ACMSD: variants seen among roughly 807,000 people sequenced by gnomAD.
ACMSD encodes the protein 2-amino-3-carboxymuconate-6-semialdehyde decarboxylase.
ACMSD carries 37 observed loss-of-function variants against 45.9 expected under a neutral mutation model. The observed-to-expected ratio is 0.81, with a 90% CI of 0.62 to 1.06. ACMSD has a LOEUF of 1.06. Among genes scored for constraint, ACMSD ranks in the 50% least tolerant of loss-of-function variants. ACMSD has a pLI of 0.00. For synonymous variants in ACMSD, 138 were observed against 148.8 expected (o/e 0.93, Z 0.53); for missense variants, 434 against 420.9 (o/e 1.03, Z -0.27).
intron 8 of ACMSD, 25 bp from the exon 9 acceptor site, chr2:134,898,316 G>A (rs1393569412): frequency 6.8e-7 from 1 of 1,474,822 alleles, no homozygotes; most frequent in South Asian, 1.3e-5. Context: ...CAAAACAACA[G>A]AGAAATATAT....
chr2:134,854,347 GT>G (rs778218139), intron 2 of ACMSD, among the ~76,000 whole-genome samples: 29 of 152,300 alleles, frequency 1.9e-4, no homozygotes, highest in Non-Finnish European at 2.4e-4. Flanking sequence ...AGCTCCCAGA[GT>G]TCCTGTGAGG....
chr2:134,843,079 A>G (rs1459155193), intron 1 of ACMSD, among the ~76,000 whole-genome samples: 1 of 152,382 alleles, frequency 6.6e-6, no homozygotes, highest in East Asian at 1.9e-4. Context: ...TTCTAATTTA[A>G]GAGCACATAG....
At chr2:134,848,668 GA>G (rs1284597210) in intron 2 of ACMSD, among the ~76,000 whole-genome samples, 1 of 152,094 alleles carries the variant, frequency 6.6e-6, no homozygotes, top group Non-Finnish European at 1.5e-5. Context: ...ATAGATTCTG[GA>G]TATTAGCCCT....
chr2:134,849,961 G>GGAACAC (rs1687252868), intron 2 of ACMSD, among the ~76,000 whole-genome samples: 1 of 103,280 alleles, frequency 9.7e-6, no homozygotes, highest in Non-Finnish European at 1.8e-5. Flanking sequence ...CAGGGCCTTG[G>GGAACAC]GAACACACAC....
chr2:134,897,234 T>C (rs1054011400), intron 8 of ACMSD, among the ~76,000 whole-genome samples: 1 of 152,138 alleles, frequency 6.6e-6, no homozygotes, highest in African/African-American at 2.4e-5. Context: ...GTTTCTTAGA[T>C]ACCATTCCTG....
intron 8 of ACMSD, among the ~76,000 whole-genome samples, chr2:134,887,583 G>T (rs531556872): frequency 2.1e-4 from 32 of 152,106 alleles, no homozygotes; most frequent in African/African-American, 7.5e-4. Flanking sequence ...TTTGTATTTT[G>T]GGTAGAGATG....
At chr2:134,863,818 G>C (rs1687966527) in intron 5 of ACMSD, among the ~76,000 whole-genome samples, 187 bp downstream of exon 5, 1 of 152,160 alleles carries the variant, frequency 6.6e-6, no homozygotes, top group Admixed American at 6.5e-5. Context: ...TTCCAAAGAG[G>C]AACTGGTGGA....
At chr2:134,840,352 G>A (rs1484107208) in intron 1 of ACMSD, among the ~76,000 whole-genome samples, 1 of 151,740 alleles carries the variant, frequency 6.6e-6, no homozygotes, top group Non-Finnish European at 1.5e-5. Flanking sequence ...TCCAAGCAGG[G>A]CTCCAAGCTC....
chr2:134,871,678 G>GACACACAC (rs368267244), intron 7 of ACMSD, among the ~76,000 whole-genome samples: 16,741 of 137,044 alleles, frequency 0.12, 1,141 homozygotes, highest in East Asian at 0.22. Context: ...CCCTTCAACA[G>GACACACAC]ACAGACACAC....
intron 8 of ACMSD, among the ~76,000 whole-genome samples, chr2:134,875,354 G>A (rs545050129): frequency 6.6e-6 from 1 of 152,184 alleles, no homozygotes; most frequent in African/African-American, 2.4e-5. Flanking sequence ...ATATTTGATT[G>A]TTTATGTATA....
chr2:134,876,034 G>A (rs780602740), intron 8 of ACMSD, among the ~76,000 whole-genome samples: 5 of 152,194 alleles, frequency 3.3e-5, no homozygotes, highest in East Asian at 1.9e-4. Flanking sequence ...TTTGTGTAGC[G>A]AAACATATCT....
intron 1 of ACMSD, chr2:134,844,470 AG>A (rs2104811509): frequency 6.6e-6 from 1 of 152,438 alleles, no homozygotes; most frequent in African/African-American, 2.4e-5. Flanking sequence ...AGCCAGTGAA[AG>A]GTTTGTATTC....
intron 2 of ACMSD, chr2:134,857,720 G>C (rs1687649052): frequency 6.6e-6 from 1 of 151,632 alleles, no homozygotes; most frequent in South Asian, 2.1e-4. Flanking sequence ...ATGATGTTGA[G>C]AAGTGGCAAA....
intron 8 of ACMSD, among the ~76,000 whole-genome samples, chr2:134,893,972 G>C (rs1043442056): frequency 2.6e-5 from 4 of 152,148 alleles, no homozygotes; most frequent in African/African-American, 7.2e-5. Flanking sequence ...GCTAGAAGTA[G>C]TACTTAGTGA....
rs4954190 is a variant in ACMSD at position 134,853,311 on chromosome 2, T to C, written c.103-5950T>C. Among the ~76,000 whole-genome samples, 2,695 of 152,246 alleles carry C rather than the reference T, an allele frequency of 0.018. 222 individuals carry two copies. The East Asian group carries it at 0.29, about 16-fold the overall frequency. ...ACTTAAAAGTCAGAAGTTCACAGGT[T>C]AGGTTCCCTAGGAATCAGACTCCAA... On this transcript the variant is annotated intron_variant, in intron 2 of 9. Coordinates refer to ENST00000356140, the MANE Select transcript of ACMSD (RefSeq NM_138326.3).
chr2:134,888,958 C>T (rs1244948563), intron 8 of ACMSD, among the ~76,000 whole-genome samples: 1 of 152,138 alleles, frequency 6.6e-6, no homozygotes, highest in East Asian at 1.9e-4. Context: ...CAAAAATCAG[C>T]AAATTCATCA....
At chr2:134,847,297 G>A (rs565663313) in intron 2 of ACMSD, among the ~76,000 whole-genome samples, 42 of 152,088 alleles carry the variant, frequency 2.8e-4, no homozygotes, top group Non-Finnish European at 5.0e-4. Context: ...CATCAGACAG[G>A]GCCATGAAGG....
At chr2:134,881,231 C>A (rs1407742234) in intron 8 of ACMSD, among the ~76,000 whole-genome samples, 2 of 152,212 alleles carry the variant, frequency 1.3e-5, no homozygotes, top group African/African-American at 4.8e-5. Flanking sequence ...AAACTCCTGA[C>A]CTCAGGTGAT....
intron 6 of ACMSD, among the ~76,000 whole-genome samples, chr2:134,870,622 G>A (rs561439867): frequency 2.0e-5 from 3 of 152,244 alleles, no homozygotes; most frequent in African/African-American, 7.2e-5. Flanking sequence ...CTTGCCAGAG[G>A]CCAGGAGGCA....
Sources: gnomAD v4.1 joint callset for allele counts (sites outside exome capture counted in the v4.1 genomes callset) on GRCh38, gnomAD v4.1.1 for gene constraint, MANE v1.5 for transcripts, NCBI Gene and HGNC (gene_info 2026-07-23, HGNC 2026-07-21) for gene names.